Variants in LTBP4 observed in about 807,000 individuals in gnomAD.
LTBP4 encodes latent-transforming growth factor beta-binding protein 4.
In LTBP4, 93 loss-of-function variants were observed where a neutral mutation model predicts 180.2. The ratio of observed to expected loss-of-function variants is 0.52; its 90% CI spans 0.44 to 0.61. The LOEUF (loss-of-function observed/expected upper bound fraction) is 0.61, where lower values mean the gene tolerates loss of function less well. LTBP4 is among the 20% of genes least tolerant of loss of function. The pLI is 0.00. For missense variants in LTBP4, 2,116 were observed against 2,256.5 expected (o/e 0.94, Z 1.26); for synonymous variants, 947 against 934.5 (o/e 1.01, Z -0.24).
intron 26 of LTBP4, among the ~76,000 whole-genome samples, chr19:40,625,285 TATATATATATATATATATATATATA>T (rs2081620904): frequency 1.1e-4 from 1 of 9,264 alleles, no homozygotes; most frequent in Non-Finnish European, 1.7e-4. Flanking sequence ...TATATATATA[TATATATATATATATATATATATATA>T]TATATATTTT....
Position 40,614,409 on chromosome 19 carries a change from T to C in LTBP4, c.2775T>C (p.Asp925=). The C allele has an allele frequency of 6.3e-7, 1 of 1,599,868 alleles. No individual in the cohort carries two copies. ...CCTACCGCTGTGTCCGGGACTGCGA[T>C]CCTGGGTACCACGCGGGCCCCGAGG... ...PGSYRCVRDC[D]PGYHAGPEGT... Residue 925 remains aspartate (D), a synonymous_variant, in exon 19 of 30, where the codon GAT becomes GAC. Transcript: ENST00000396819.
Position 40,605,350 on chromosome 19 carries a change from C to T in LTBP4, c.443-55C>T. ...GCTCGCCCTCCCCGCCTTGTCTAGCCCCACCCCGTAAGAACCCGTGTAGAC... is the reference window on the plus strand; with the variant it reads ...GCTCGCCCTCCCCGCCTTGTCTAGCTCCACCCCGTAAGAACCCGTGTAGAC... On this transcript the variant is annotated intron_variant, in intron 2 of 29. Transcript: ENST00000396819. This position sits in a 1 kb window ranked among gnomAD's most constrained non-coding sequence, Gnocchi z 5.5. The T allele has an allele frequency of 6.2e-7, 1 of 1,603,798 alleles. No homozygotes were observed. The highest frequency in any genetic ancestry group is 8.5e-7 in the Non-Finnish European group (1 of 1,174,504).
At chr19:40,593,900 C>T (rs1222967562) in intron 1 of LTBP4, among the ~76,000 whole-genome samples, 1 of 152,096 alleles carries the variant, frequency 6.6e-6, no homozygotes, top group Non-Finnish European at 1.5e-5. Flanking sequence ...TTCAAGTGAT[C>T]CTCCCACCTT....
At chr19:40,596,067 C>T (rs1022320964) in intron 1 of LTBP4, among the ~76,000 whole-genome samples, 1 of 151,512 alleles carries the variant, frequency 6.6e-6, no homozygotes, top group African/African-American at 2.4e-5. Context: ...ATTACAGGCG[C>T]CCACCACTGC....
chr19:40,601,025 G>A (rs568671214), upstream of LTBP4, among the ~76,000 whole-genome samples: 18 of 152,242 alleles, frequency 1.2e-4, no homozygotes, highest in African/African-American at 4.3e-4. Flanking sequence ...CTCCCCAAAT[G>A]TGGCCCCCAC....
chr19:40,610,652 GC>G lies in LTBP4; in HGVS notation c.1807del (p.Gln603ArgfsTer141). On this transcript the variant is annotated frameshift_variant, in exon 12 of 30. Transcript: ENST00000396819. LOFTEE classifies it high-confidence loss of function. ...CAGGCTGCACCGCACGGAGCCAGCTGCCAGGGTGAGGGCCTGGGAGGGGCAG... is the reference window on the plus strand; with the variant it reads ...CAGGCTGCACCGCACGGAGCCAGCTGCAGGGTGAGGGCCTGGGAGGGGCAG... ...GYQAAPHGAS[C>X]QDVDECTQSP... The G allele has an allele frequency of 6.3e-7, 1 of 1,582,686 alleles. No homozygotes were observed. The highest frequency in any genetic ancestry group is 1.7e-5 in the Admixed American group (1 of 59,032).
rs2081591373 is a variant in LTBP4, at chr19:40,622,332, T to C, written c.3218-69T>C. ...TTCCCTATCTATGCCAGCCTCAGTT[T>C]CCCCATCTATGATAGTGGCGGGGCT... On this transcript the variant is annotated intron_variant, in intron 22 of 29. Transcript: ENST00000396819. The surrounding 1 kb of genome is among the most constrained non-coding windows in gnomAD (Gnocchi z 5.1). The C allele has an allele frequency of 7.0e-7, 1 of 1,437,516 alleles. No homozygotes were observed. The highest frequency in any genetic ancestry group is 9.2e-7 in the Non-Finnish European group (1 of 1,084,318). 89.0% of individuals were successfully genotyped at this position (1,437,516 alleles called of 1,614,324 possible). A position where few individuals can be genotyped will look rare whatever the true frequency, so the allele number is the denominator to read the frequency against.
intron 21 of LTBP4, among the ~76,000 whole-genome samples, chr19:40,617,804 TAACA>T (rs2081561157): frequency 6.6e-6 from 1 of 152,192 alleles, no homozygotes; most frequent in African/African-American, 2.4e-5. Flanking sequence ...TAATCTTTCC[TAACA>T]TTTTATGAGG....
upstream of LTBP4, chr19:40,599,096 G>A: frequency 9.7e-7 from 1 of 1,033,568 alleles, no homozygotes. Context: ...CCTGTTTCAA[G>A]CCCCCTCAGG....
At position 40,612,138 on chromosome 19, in the gene LTBP4, T is replaced by C. The variant is rs779051884; in HGVS notation, c.2245T>C (p.Phe749Leu). 6.2e-7 allele frequency: 1 copy of C among 1,613,304 alleles called. No homozygotes were observed. The highest frequency in any genetic ancestry group is 8.5e-7 in the Non-Finnish European group (1 of 1,179,642). Residue 749 changes from phenylalanine to leucine, a missense_variant, in exon 15 of 30, where the codon TTC becomes CTC. By Grantham distance (22) the Phe-to-Leu change is conservative. Coordinates refer to ENST00000396819, the MANE Select transcript of LTBP4 (RefSeq NM_001042545.2). The stretch of plus-strand genomic sequence containing the variant: ...GGAGTGTGTGAACTCGCCCGGCTCC[T>C]TCCAGTGCAGGACCTGTCCTTCTGG... ...GQECVNSPGS[F>L]QCRTCPSGHH...
At position 40,605,973 on chromosome 19, in the gene LTBP4, G is replaced by A; in HGVS notation, c.793+142G>A. On this transcript the variant is annotated intron_variant, in intron 4 of 29. Coordinates refer to ENST00000396819, the MANE Select transcript of LTBP4 (RefSeq NM_001042545.2). This position sits in a 1 kb window ranked among gnomAD's most constrained non-coding sequence, Gnocchi z 5.5. ...TTGTGGAGGCGACTTCCAGTCCTGA[G>A]CTTTTCATACCGCTCTGGGACCACC... is the stretch of plus-strand genomic sequence containing the variant. 9.8e-7 allele frequency: 1 copy of A among 1,016,834 alleles called. No individual in the cohort carries two copies. Among genetic ancestry groups the A allele is most frequent in the Non-Finnish European group, 1.4e-6 (1 of 708,336 alleles). The allele number at this position is 1,016,834 out of a possible 1,614,324, so 63.0% of individuals were successfully genotyped here. A position where few individuals can be genotyped will look rare whatever the true frequency, so the allele number is the denominator to read the frequency against.
At position 40,601,487 on chromosome 19, in the gene LTBP4, G is replaced by T. The variant is rs1256889679; in HGVS notation, c.100G>T (p.Val34Leu). 2 of 1,494,568 alleles carry T rather than the reference G, an allele frequency of 1.3e-6. No individual in the cohort carries two copies. The highest frequency in any genetic ancestry group is 1.8e-6 in the Non-Finnish European group (2 of 1,128,702). The allele number at this position is 1,494,568 out of a possible 1,614,324, so 92.6% of individuals were successfully genotyped here. Residue 34 changes from valine to leucine, a missense_variant, in exon 1 of 30, where the codon GTG (valine) becomes TTG (leucine). Physicochemically the swap from Val to Leu is conservative, Grantham distance 32. This residue lies in a region of LTBP4 where 469 missense variants were observed against 532.5 expected (regional missense o/e 0.88). Transcript: ENST00000396819. Reference sequence around the variant, plus strand: ...GGGCCGGCTCGGAGAGCGTCTCCGCGTGCGCTTCACCCCGGTCGTGTGCGG... The same window carrying T: ...GGGCCGGCTCGGAGAGCGTCTCCGCTTGCGCTTCACCCCGGTCGTGTGCGG... ...GLGRLGERLR[V>L]RFTPVVCGLR...
chr19:40,602,181 G>GTA (rs2081428792), intron 1 of LTBP4, among the ~76,000 whole-genome samples: 1 of 146,464 alleles, frequency 6.8e-6, no homozygotes, highest in Non-Finnish European at 1.5e-5. Context: ...GTGTGTGTGT[G>GTA]TGGCGGCGGG....
At chr19:40,618,629 CCTT>C (rs1175463384) in intron 21 of LTBP4, among the ~76,000 whole-genome samples, 6 of 152,308 alleles carry the variant, frequency 3.9e-5, no homozygotes, top group African/African-American at 1.4e-4. Context: ...AACCCTCCCT[CCTT>C]GGCCTCCCAA....
At position 40,629,610 on chromosome 19, in the gene LTBP4, C is replaced by T; in HGVS notation, c.*60C>T. On this transcript the variant is annotated 3_prime_UTR_variant, in exon 30 of 30. Transcript: ENST00000396819. This position sits in a 1 kb window ranked among gnomAD's most constrained non-coding sequence, Gnocchi z 4.5. ...CCACTCGGGGCCCCTGCCGCGCATC[C>T]TGCAGCCCGCTTATGCGTATGTGCA... The T allele has an allele frequency of 7.6e-7, 1 of 1,319,412 alleles. No individual in the cohort carries two copies. The highest frequency in any genetic ancestry group is 9.7e-7 in the Non-Finnish European group (1 of 1,035,570). 81.7% of individuals were successfully genotyped at this position (1,319,412 alleles called of 1,614,324 possible). A position where few individuals can be genotyped will look rare whatever the true frequency, so the allele number is the denominator to read the frequency against.
intron 1 of LTBP4, 31 bp downstream of exon 1, chr19:40,601,668 G>C (rs1341358621): frequency 7.6e-7 from 1 of 1,319,744 alleles, no homozygotes; most frequent in African/African-American, 1.5e-5. Flanking sequence ...CCGAGAGAGC[G>C]GCTCCGGGGG....
intron 26 of LTBP4, 130 bp from the exon 27 acceptor site, chr19:40,625,727 A>T: frequency 2.6e-6 from 2 of 765,362 alleles, no homozygotes; most frequent in Non-Finnish European, 3.9e-6. Context: ...TTCCAGAGTT[A>T]GATCACAGCT....
intron 18 of LTBP4, 44 bp from the exon 19 acceptor site, chr19:40,614,271 G>A (rs762692141): frequency 1.9e-6 from 3 of 1,580,814 alleles, no homozygotes; most frequent in Non-Finnish European, 2.6e-6. Flanking sequence ...CCCCCATCTT[G>A]CCTCCCTGCT....
rs1387284480 is a variant in LTBP4, at chr19:40,619,469, T to C, written c.3193T>C (p.Cys1065Arg). The change falls in exon 22 of 30, where the codon TGT becomes CGT. Residue 1065 changes from cysteine (C) to arginine (R), a missense_variant. By Grantham distance (180) the Cys-to-Arg change is radical. Transcript: ENST00000396819. ...PEEFDPMTGR[C>R]VPPRTSAGTF... ...AGAGTTTGACCCCATGACTGGACGC[T>C]GTGTTCCCCCACGAACTTCTGCTGG... The C allele has an allele frequency of 6.2e-7, 1 of 1,612,280 alleles. No homozygotes were observed. The highest frequency in any genetic ancestry group is 8.5e-7 in the Non-Finnish European group (1 of 1,179,050).
Sources: gnomAD v4.1 joint callset for allele counts (sites outside exome capture counted in the v4.1 genomes callset) on GRCh38, gnomAD v4.1.1 for gene constraint, gnomAD v4.1.1 regional missense constraint, Gnocchi (gnomAD v3.1) non-coding constraint, MANE v1.5 for transcripts, NCBI Gene and HGNC (gene_info 2026-07-23, HGNC 2026-07-21) for gene names.